Variants in KLF12 observed in about 807,000 individuals in gnomAD.
KLF12 encodes the protein KLF transcription factor 12, also known as Krueppel-like factor 12.
KLF12 carries 9 observed loss-of-function variants against 37.8 expected under a neutral mutation model. The observed-to-expected ratio is 0.24, with a 90% confidence interval of 0.14 to 0.42. The LOEUF (loss-of-function observed/expected upper bound fraction) is 0.42. Among genes scored for constraint, KLF12 ranks in the 10% least tolerant of loss-of-function variants. The pLI, the probability that KLF12 is intolerant of heterozygous loss-of-function variation, is 1.00. For missense variants in KLF12, 411 were observed against 516.0 expected, an observed-to-expected ratio of 0.80 and a Z score of 1.97; for synonymous variants, 208 against 202.1, an observed-to-expected ratio of 1.03 and a Z score of -0.25.
intron 3 of KLF12, among the ~76,000 whole-genome samples, chr13:73,859,120 C>T (rs12428001): frequency 0.16 from 23,724 of 152,112 alleles, 1,979 homozygotes; most frequent in East Asian, 0.26. Flanking sequence ...TAGGTCTTTT[C>T]TGGGGCAAGT....
At chr13:74,122,836 G>T (rs1379228975) in intron 1 of KLF12, among the ~76,000 whole-genome samples, 2 of 151,588 alleles carry the variant, frequency 1.3e-5, no homozygotes, top group African/African-American at 4.8e-5. Context: ...TGTTCCTAAC[G>T]CTTAAGAACA....
intron 3 of KLF12, among the ~76,000 whole-genome samples, chr13:73,858,433 C>T (rs777948834): frequency 2.0e-5 from 3 of 152,094 alleles, no homozygotes; most frequent in South Asian, 2.1e-4. Context: ...TCTAGTTTCC[C>T]CAGTGGATTA....
intron 6 of KLF12, among the ~76,000 whole-genome samples, chr13:73,763,621 C>T (rs2138065873): frequency 6.6e-6 from 1 of 152,264 alleles, no homozygotes; most frequent in Non-Finnish European, 1.5e-5. Flanking sequence ...TTATTTACTC[C>T]ATGTTTTACA....
At chr13:73,721,529 G>A (rs536597582) in intron 6 of KLF12, among the ~76,000 whole-genome samples, 1 of 152,130 alleles carries the variant, frequency 6.6e-6, no homozygotes, top group African/African-American at 2.4e-5. Context: ...ATCTACCAAA[G>A]AAAGTATTTT....
At chr13:74,023,319 C>G (rs1052909357) in intron 1 of KLF12, among the ~76,000 whole-genome samples, 2 of 152,212 alleles carry the variant, frequency 1.3e-5, no homozygotes, top group African/African-American at 2.4e-5. Flanking sequence ...AACAGACTTA[C>G]AGGGGAGAAA....
At chr13:73,783,424 G>A (rs1283701952) in intron 5 of KLF12, among the ~76,000 whole-genome samples, 1 of 151,874 alleles carries the variant, frequency 6.6e-6, no homozygotes. Flanking sequence ...AGCACAGTAG[G>A]GTGACTAGAA....
the KLF12 span, among the ~76,000 whole-genome samples, chr13:74,250,871 A>T: frequency 6.6e-6 from 1 of 152,240 alleles, no homozygotes; most frequent in East Asian, 1.9e-4. Context: ...GTGGTAGAGA[A>T]AACATGCCAA....
chr13:73,819,057 G>A (rs1422805989), intron 4 of KLF12, among the ~76,000 whole-genome samples: 1 of 152,194 alleles, frequency 6.6e-6, no homozygotes. Flanking sequence ...GTAGGTAGAA[G>A]AATCCTCCTC....
intron 6 of KLF12, among the ~76,000 whole-genome samples, chr13:73,733,140 T>C (rs1877196212): frequency 6.6e-6 from 1 of 152,200 alleles, no homozygotes; most frequent in Non-Finnish European, 1.5e-5. Flanking sequence ...TTTGTAATTG[T>C]AATGAAATAT....
chr13:74,129,859 T>C (rs1053415973), intron 1 of KLF12, among the ~76,000 whole-genome samples: 5 of 152,218 alleles, frequency 3.3e-5, no homozygotes, highest in African/African-American at 1.2e-4. Flanking sequence ...GTAACATAAT[T>C]ACTGACAATA....
chr13:73,846,048 G>C lies in KLF12; in HGVS notation c.449C>G (p.Ala150Gly). Residue 150 changes from alanine (A) to glycine (G), a missense_variant, in exon 4 of 8, where the codon GCC (alanine) becomes GGC (glycine). Ala to Gly is a moderately conservative substitution (Grantham distance 60). This residue lies in a region of KLF12 where 351 missense variants were observed against 397.8 expected (regional missense o/e 0.88). Coordinates refer to ENST00000377669, the MANE Select transcript of KLF12 (RefSeq NM_007249.5). ...CTGGCCTCCAACACCAGATGCAGAG[G>C]CCACAAGGGGCCCTGGAGTTAATAC... is the stretch of plus-strand genomic sequence containing the variant. 6.2e-7 allele frequency: 1 copy of C among 1,614,078 alleles called. No individual in the cohort carries two copies. Among genetic ancestry groups the C allele is most frequent in the Non-Finnish European group, 8.5e-7 (1 of 1,179,990 alleles).
At chr13:74,302,719 A>G in the KLF12 span, among the ~76,000 whole-genome samples, 222 of 152,206 alleles carry the variant, frequency 1.5e-3, no homozygotes, top group African/African-American at 4.7e-3. Context: ...AGAGTGTCCC[A>G]TTGCTCACAT....
the KLF12 span, among the ~76,000 whole-genome samples, chr13:74,196,247 TG>T: frequency 2.6e-4 from 39 of 152,280 alleles, no homozygotes; most frequent in South Asian, 7.9e-3. Flanking sequence ...CACCCTGCTC[TG>T]GAAATTAGGA....
the KLF12 span, among the ~76,000 whole-genome samples, chr13:74,165,299 C>CTTTTTTT: frequency 1.0e-5 from 1 of 98,320 alleles, no homozygotes; most frequent in Non-Finnish European, 2.0e-5. Context: ...ATTTTCTTTT[C>CTTTTTTT]TTTTTTTTTT....
At chr13:74,096,846 C>A (rs891785839) in intron 1 of KLF12, among the ~76,000 whole-genome samples, 1 of 152,162 alleles carries the variant, frequency 6.6e-6, no homozygotes, top group African/African-American at 2.4e-5. Context: ...AATGCCTGCA[C>A]AGAGAGCTCC....
In KLF12 at chr13:73,779,112, C is replaced by T. The variant is rs993010256; in HGVS notation, c.807-14112G>A. 7.2e-5 allele frequency among the ~76,000 whole-genome samples: 11 copies of T among 152,106 alleles called. No individual in the cohort carries two copies. In the East Asian group the frequency reaches 1.7e-3, roughly 24 times the overall value. Reference sequence around the variant, plus strand: ...TAAAAAATTAATTATCTGGTCTTTGCCCTGCTTCCTGACACAGAGCTCCTA... The same window carrying T: ...TAAAAAATTAATTATCTGGTCTTTGTCCTGCTTCCTGACACAGAGCTCCTA... On this transcript the variant is annotated intron_variant, in intron 5 of 7. Coordinates refer to ENST00000377669, the MANE Select transcript of KLF12 (RefSeq NM_007249.5).
intron 6 of KLF12, among the ~76,000 whole-genome samples, chr13:73,723,965 C>A (rs749002582): frequency 1.5e-4 from 23 of 152,068 alleles, no homozygotes; most frequent in Non-Finnish European, 2.5e-4. Context: ...GTTCAACCAT[C>A]GGGGAAGACA....
intron 5 of KLF12, among the ~76,000 whole-genome samples, chr13:73,776,826 C>G (rs1290966257): frequency 6.6e-6 from 1 of 152,126 alleles, no homozygotes; most frequent in Admixed American, 6.5e-5. Context: ...TTATGAAGCA[C>G]TCTACCATTG....
chr13:73,887,161 C>A (rs1167110475), intron 3 of KLF12, among the ~76,000 whole-genome samples: 1 of 152,050 alleles, frequency 6.6e-6, no homozygotes, highest in Non-Finnish European at 1.5e-5. Context: ...TGCTACTGAA[C>A]AAATATAACT....
Sources: allele counts gnomAD v4.1 joint callset (sites outside exome capture counted in the v4.1 genomes callset), GRCh38; gene constraint gnomAD v4.1.1; regional missense constraint gnomAD v4.1.1; transcripts MANE v1.5; gene names NCBI Gene and HGNC (gene_info 2026-07-23, HGNC 2026-07-21).